DOCK8: variants seen among roughly 807,000 people sequenced by gnomAD.
DOCK8 encodes dedicator of cytokinesis 8.
Under a neutral mutation model 245.6 loss-of-function variants are expected in DOCK8, and 141 were observed. That is an observed-to-expected ratio of 0.57 (90% confidence interval 0.50 to 0.66). DOCK8 has a LOEUF of 0.66. Among genes scored for constraint, DOCK8 ranks in the 30% least tolerant of loss-of-function variants. The pLI is 0.00. For synonymous variants in DOCK8, 1,168 were observed against 970.2 expected, an observed-to-expected ratio of 1.20 and a Z score of -3.79; for missense variants, 2,965 against 2,603.4, an observed-to-expected ratio of 1.14 and a Z score of -3.02.
At chr9:302,154 G>A (rs1337793380) in intron 4 of DOCK8, among the ~76,000 whole-genome samples, 8 of 152,236 alleles carry the variant, frequency 5.3e-5, no homozygotes, top group South Asian at 2.1e-4. Flanking sequence ...AAACAGACAC[G>A]TAGACCAATA....
Position 214,961 on chromosome 9 carries a change from G to C in DOCK8, c.-16G>C. On this transcript the variant is annotated 5_prime_UTR_variant, in exon 1 of 48. Transcript: ENST00000432829. The stretch of plus-strand genomic sequence containing the variant: ...GCACCCCGCGACCCTAGAAGCCACC[G>C]AACCGCCGGCGGGCCATGGCCACTC... 3 of 1,602,190 alleles carry C rather than the reference G, an allele frequency of 1.9e-6. No individual in the cohort carries two copies. Among genetic ancestry groups the C allele is most frequent in the Non-Finnish European group, 2.5e-6 (3 of 1,176,556 alleles).
upstream of DOCK8, among the ~76,000 whole-genome samples, chr9:211,619 A>G (rs979767257): frequency 6.6e-6 from 1 of 152,196 alleles, no homozygotes; most frequent in Admixed American, 6.5e-5. Context: ...GATATTTATA[A>G]GAAATAAATG....
intron 1 of DOCK8, among the ~76,000 whole-genome samples, chr9:225,215 A>G (rs1378198254): frequency 6.6e-6 from 1 of 152,130 alleles, no homozygotes; most frequent in Non-Finnish European, 1.5e-5. Flanking sequence ...AGCATGGGGA[A>G]CAGTGTTTGA....
At chr9:284,594 A>C (rs548201135) in intron 2 of DOCK8, 1 of 152,316 alleles carries the variant, frequency 6.6e-6, no homozygotes, top group East Asian at 1.9e-4. Flanking sequence ...ATTACTCGGT[A>C]TATAGCCAGA....
rs10974275 is a variant in DOCK8, at chr9:407,989, C to T, written c.3530+920C>T. ...TTGCCCACTATTCCATAACAGAGAA[C>T]GAAATCTAAAGCCATGGTCTTCCCA... is the stretch of plus-strand genomic sequence containing the variant. On this transcript the variant is annotated intron_variant, in intron 28 of 47. Coordinates refer to ENST00000432829, the MANE Select transcript of DOCK8 (RefSeq NM_203447.4). 1.8e-3 allele frequency among the ~76,000 whole-genome samples: 273 copies of T among 152,248 alleles called. 1 individual carries two copies. The highest frequency in any genetic ancestry group is 6.0e-3 in the African/African-American group (251 of 41,558).
At chr9:400,935 C>CTT (rs1586918835) in intron 26 of DOCK8, among the ~76,000 whole-genome samples, 4 of 101,226 alleles carry the variant, frequency 4.0e-5, no homozygotes, top group African/African-American at 1.3e-4. Context: ...ACCACAACAT[C>CTT]CACCACCACC....
chr9:309,033 G>T (rs2130657301), intron 5 of DOCK8, among the ~76,000 whole-genome samples: 1 of 152,204 alleles, frequency 6.6e-6, no homozygotes, highest in South Asian at 2.1e-4. Flanking sequence ...CCTTTTTGGG[G>T]GCATTTAGTT....
upstream of DOCK8, chr9:214,831 G>GGCCT: frequency 6.3e-7 from 1 of 1,599,930 alleles, no homozygotes; most frequent in Admixed American, 1.7e-5. Flanking sequence ...TTTCGGCTTA[G>GGCCT]AAGGTGGAAA....
chr9:327,932 T>G (rs1224233424), intron 8 of DOCK8, 90 bp from the exon 9 acceptor site: 16 of 1,289,018 alleles, frequency 1.2e-5, no homozygotes, highest in Non-Finnish European at 1.8e-5. Flanking sequence ...TCAGCAAAAT[T>G]TCTCTGTGGT....
intron 28 of DOCK8, among the ~76,000 whole-genome samples, chr9:414,427 C>CT (rs2055892396): frequency 6.6e-6 from 1 of 152,190 alleles, no homozygotes; most frequent in Non-Finnish European, 1.5e-5. Flanking sequence ...CACAGGCAGT[C>CT]TGTTTCTGGA....
intron 6 of DOCK8, among the ~76,000 whole-genome samples, chr9:314,834 C>A (rs1022180996): frequency 2.0e-5 from 3 of 152,198 alleles, no homozygotes; most frequent in Non-Finnish European, 2.9e-5. Flanking sequence ...ACTTGATTTC[C>A]CTGTAAGGAA....
At chr9:338,560 G>A (rs2051427614) in intron 12 of DOCK8, among the ~76,000 whole-genome samples, 1 of 152,214 alleles carries the variant, frequency 6.6e-6, no homozygotes, top group Admixed American at 6.5e-5. Flanking sequence ...ATATGTGGGG[G>A]TGGACAGCAT....
intron 42 of DOCK8, among the ~76,000 whole-genome samples, chr9:442,620 A>G (rs1490609299): frequency 6.6e-6 from 1 of 152,212 alleles, no homozygotes; most frequent in Non-Finnish European, 1.5e-5. Context: ...GAAACAGCCT[A>G]GAGAAAGGTC....
rs1334048927 is a variant in DOCK8, at chr9:452,031, A to G, written c.5982A>G (p.Gln1994=). ...TVNQGPLEVA[Q]VFLAEIPADP... ...ACCAGGGACCACTGGAAGTAGCCCA[A>G]GTGTTTTTGGCTGAAATTCCTGCTG... The change falls in exon 46 of 48, where the codon CAA becomes CAG. Residue 1994 remains glutamine (Q), a synonymous_variant. Transcript: ENST00000432829. 1.9e-6 allele frequency: 3 copies of G among 1,584,752 alleles called. No homozygotes were observed. The highest frequency in any genetic ancestry group is 1.7e-5 in the Admixed American group (1 of 57,306).
intron 2 of DOCK8, among the ~76,000 whole-genome samples, chr9:283,524 AGGAATC>A (rs2048680852): frequency 6.6e-6 from 1 of 152,186 alleles, no homozygotes; most frequent in South Asian, 2.1e-4. Flanking sequence ...GTATTCATTC[AGGAATC>A]TAGCATCCCT....
intron 23 of DOCK8, among the ~76,000 whole-genome samples, chr9:388,299 T>A (rs2054038451): frequency 6.6e-6 from 1 of 152,150 alleles, no homozygotes; most frequent in Non-Finnish European, 1.5e-5. Flanking sequence ...CAAACAAATG[T>A]GTTAACGCAT....
chr9:312,145 C>G lies in DOCK8; in HGVS notation c.720C>G (p.Ala240=). Reference sequence around the variant, plus strand: ...CCAATAGGCAGGCCGAGCTCTTTGCCCTTTACCCATCAGTGGACGAGGTGG... The same window carrying G: ...CCAATAGGCAGGCCGAGCTCTTTGCGCTTTACCCATCAGTGGACGAGGTGG... ...RRTNRQAELF[A]LYPSVDEEDA... is the part of the protein sequence containing the mutation. The change falls in exon 6 of 48, where the codon GCC becomes GCG. Residue 240 remains alanine, a synonymous_variant. Transcript: ENST00000432829. 1 of 1,614,190 alleles carries G rather than the reference C, an allele frequency of 6.2e-7. No homozygotes were observed. Among genetic ancestry groups the G allele is most frequent in the East Asian group, 2.2e-5 (1 of 44,886 alleles).
chr9:301,721 C>G (rs142198119), intron 4 of DOCK8, among the ~76,000 whole-genome samples: 4 of 152,078 alleles, frequency 2.6e-5, no homozygotes, highest in Non-Finnish European at 5.9e-5. Flanking sequence ...AAGTTGAGGG[C>G]CAAATCAAGA....
intron 26 of DOCK8, among the ~76,000 whole-genome samples, chr9:400,934 TCCACCACCACCATCACCACCACCA>T (rs1467506999): frequency 1.9e-4 from 4 of 20,524 alleles, no homozygotes; most frequent in Non-Finnish European, 2.9e-4. Flanking sequence ...CACCACAACA[TCCACCACCACCATCACCACCACCA>T]CCACCACCTC....
Sources: gnomAD v4.1 joint callset for allele counts (sites outside exome capture counted in the v4.1 genomes callset) on GRCh38, gnomAD v4.1.1 for gene constraint, MANE v1.5 for transcripts, NCBI Gene and HGNC (gene_info 2026-07-23, HGNC 2026-07-21) for gene names.